The following ARHGAP26 variants were observed in gnomAD, a reference collection of about 807,000 sequenced individuals.
The protein encoded by ARHGAP26 is rho GTPase-activating protein 26.
ARHGAP26 carries 38 observed loss-of-function variants against 104.8 expected under a neutral mutation model. The observed-to-expected ratio is 0.36, with a 90% CI of 0.28 to 0.48. ARHGAP26 has a LOEUF of 0.48. ARHGAP26 is among the 20% of genes least tolerant of loss of function. The probability of loss-of-function intolerance (pLI) is 0.99; values close to 1 mark genes in which losing one functional copy is unlikely to be tolerated. For synonymous variants in ARHGAP26, 341 were observed against 340.0 expected, an observed-to-expected ratio of 1.00 and a Z score of -0.03; for missense variants, 704 against 947.9, an observed-to-expected ratio of 0.74 and a Z score of 3.38.
At chr5:142,904,510 C>A (rs1038680846) in intron 8 of ARHGAP26, among the ~76,000 whole-genome samples, 2 of 139,764 alleles carry the variant, frequency 1.4e-5, no homozygotes, top group South Asian at 2.5e-4. Context: ...CAGAGCAAGA[C>A]CCTGTCTCTT....
At chr5:142,901,449 A>T (rs764947530) in intron 6 of ARHGAP26, among the ~76,000 whole-genome samples, 1 of 152,192 alleles carries the variant, frequency 6.6e-6, no homozygotes, top group Non-Finnish European at 1.5e-5. Context: ...TGCCTGTTAG[A>T]CTGTAGACTC....
intron 20 of ARHGAP26, among the ~76,000 whole-genome samples, chr5:143,191,729 A>G (rs1805949922): frequency 6.6e-6 from 1 of 152,238 alleles, no homozygotes; most frequent in Non-Finnish European, 1.5e-5. Flanking sequence ...AGCAAGAACA[A>G]TGCCAGTGGG....
At chr5:143,019,245 A>C (rs779037631) in intron 12 of ARHGAP26, among the ~76,000 whole-genome samples, 2 of 152,124 alleles carry the variant, frequency 1.3e-5, no homozygotes, top group Non-Finnish European at 2.9e-5. Context: ...AGAAGAAGAA[A>C]GTATGATATT....
chr5:142,893,532 T>C (rs1380296474), intron 5 of ARHGAP26, among the ~76,000 whole-genome samples: 2 of 152,214 alleles, frequency 1.3e-5, no homozygotes, highest in Non-Finnish European at 2.9e-5. Flanking sequence ...ATATCTTGGC[T>C]GTTGTGAGTA....
chr5:143,012,562 T>TATATATAC (rs1554195705), intron 11 of ARHGAP26, among the ~76,000 whole-genome samples: 1 of 78,582 alleles, frequency 1.3e-5, no homozygotes, highest in African/African-American at 3.6e-5. Flanking sequence ...CATATATATA[T>TATATATAC]ATATATATAT....
chr5:142,860,713 C>T (rs1238574626), intron 1 of ARHGAP26: 1 of 152,230 alleles, frequency 6.6e-6, no homozygotes, highest in African/African-American at 2.4e-5. Context: ...CCTGCTGTCA[C>T]CTAGCTTTCT....
intron 1 of ARHGAP26, among the ~76,000 whole-genome samples, chr5:142,792,945 C>T (rs1318482259): frequency 6.6e-6 from 1 of 152,206 alleles, no homozygotes; most frequent in Non-Finnish European, 1.5e-5. Context: ...ACACTGATAA[C>T]TGATGTTCAT....
intron 1 of ARHGAP26, among the ~76,000 whole-genome samples, chr5:142,787,253 G>T (rs1333788157): frequency 1.3e-5 from 2 of 152,132 alleles, no homozygotes; most frequent in African/African-American, 4.8e-5. Context: ...TCATTGGGGT[G>T]GGAGAGTGCC....
chr5:143,207,962 C>T (rs993453221), intron 21 of ARHGAP26, among the ~76,000 whole-genome samples: 2 of 152,176 alleles, frequency 1.3e-5, no homozygotes, highest in South Asian at 4.2e-4. Context: ...TCTTAAATTG[C>T]TCACGGCTTA....
chr5:143,170,004 A>G (rs1033287001), intron 20 of ARHGAP26: 6 of 152,206 alleles, frequency 3.9e-5, no homozygotes, highest in African/African-American at 1.2e-4. Context: ...AAAAATGAAG[A>G]AAATGTTATC....
intron 10 of ARHGAP26, among the ~76,000 whole-genome samples, chr5:142,931,378 T>C (rs1043392203): frequency 1.3e-5 from 2 of 152,192 alleles, no homozygotes; most frequent in South Asian, 2.1e-4. Context: ...CCATTTGATA[T>C]TGTATGCATG....
chr5:143,005,717 A>C (rs1348279504), intron 11 of ARHGAP26, among the ~76,000 whole-genome samples: 2 of 152,206 alleles, frequency 1.3e-5, no homozygotes, highest in African/African-American at 4.8e-5. Context: ...AATGGAAAAG[A>C]AAGTTTATTT....
At chr5:143,096,573 A>G (rs1792344426) in intron 17 of ARHGAP26, among the ~76,000 whole-genome samples, 1 of 152,236 alleles carries the variant, frequency 6.6e-6, no homozygotes, top group African/African-American at 2.4e-5. Context: ...TTCAGTATGC[A>G]GCAGAGGTGC....
intron 12 of ARHGAP26, among the ~76,000 whole-genome samples, chr5:143,032,406 T>TA (rs1206434566): frequency 2.0e-5 from 3 of 152,240 alleles, no homozygotes; most frequent in Non-Finnish European, 4.4e-5. Context: ...GCCTAGTAGA[T>TA]ATTTAATGAG....
intron 10 of ARHGAP26, among the ~76,000 whole-genome samples, chr5:142,930,909 C>T (rs1395294354): frequency 1.3e-5 from 2 of 152,098 alleles, no homozygotes; most frequent in South Asian, 4.1e-4. Flanking sequence ...GTGAGAATGA[C>T]CAGGCTTGGG....
intron 17 of ARHGAP26, among the ~76,000 whole-genome samples, chr5:143,092,158 G>GTTTTT (rs896970979): frequency 2.6e-5 from 3 of 117,504 alleles, no homozygotes; most frequent in African/African-American, 2.9e-5. Flanking sequence ...ACATCCCTTT[G>GTTTTT]TTTTTTTTTT....
At chr5:143,184,445 G>T (rs1264433529) in intron 20 of ARHGAP26, among the ~76,000 whole-genome samples, 1 of 152,198 alleles carries the variant, frequency 6.6e-6, no homozygotes, top group East Asian at 1.9e-4. Flanking sequence ...AGCTGGAGGT[G>T]CCGTGGGTGG....
At chr5:143,043,608 A>G (rs1783785957) in intron 14 of ARHGAP26, among the ~76,000 whole-genome samples, 1 of 152,180 alleles carries the variant, frequency 6.6e-6, no homozygotes, top group African/African-American at 2.4e-5. Flanking sequence ...ATTTTTGAGA[A>G]TTTCTAATAT....
intron 1 of ARHGAP26, among the ~76,000 whole-genome samples, chr5:142,814,260 T>C (rs186839628): frequency 6.6e-6 from 1 of 152,360 alleles, no homozygotes; most frequent in African/African-American, 2.4e-5. Flanking sequence ...GGCTAGAGCC[T>C]TCCGGTAATC....
Sources: allele counts gnomAD v4.1 joint callset (sites outside exome capture counted in the v4.1 genomes callset), GRCh38; gene constraint gnomAD v4.1.1; transcripts MANE v1.5; gene names NCBI Gene and HGNC (gene_info 2026-07-23, HGNC 2026-07-21).